Variants in PCDH15 observed in about 807,000 individuals in gnomAD.
PCDH15 encodes the protein protocadherin-15.
In PCDH15, 129 loss-of-function variants were observed where a neutral mutation model predicts 178.5. The ratio of observed to expected loss-of-function variants is 0.72; its 90% CI spans 0.63 to 0.84. The LOEUF (loss-of-function observed/expected upper bound fraction) is 0.84, where lower values mean the gene tolerates loss of function less well. Ranked by LOEUF, PCDH15 falls within the 40% of genes least tolerant of loss-of-function variation. PCDH15 has a pLI of 0.00. For synonymous variants in PCDH15, 800 were observed against 732.0 expected (o/e 1.09, Z -1.50); for missense variants, 2,230 against 2,099.9 (o/e 1.06, Z -1.21).
At chr10:54,984,000 A>G (rs1333632577) in intron 2 of PCDH15, among the ~76,000 whole-genome samples, 5 of 152,220 alleles carry the variant, frequency 3.3e-5, no homozygotes, top group Non-Finnish European at 1.5e-5. Context: ...GGAAATGAGG[A>G]GGAGGCACCT....
At chr10:55,386,707 A>G (rs1323557851) in intron 2 of PCDH15, among the ~76,000 whole-genome samples, 1 of 152,062 alleles carries the variant, frequency 6.6e-6, no homozygotes, top group African/African-American at 2.4e-5. Flanking sequence ...TATTTCTATA[A>G]AAAAGATGGT....
intron 3 of PCDH15, among the ~76,000 whole-genome samples, chr10:54,520,822 CA>C (rs2082773346): frequency 6.7e-6 from 1 of 150,316 alleles, no homozygotes; most frequent in South Asian, 2.1e-4. Flanking sequence ...CCCAAATGTC[CA>C]ACAATGATAG....
intron 21 of PCDH15, 185 bp downstream of exon 21, chr10:53,995,464 C>A: frequency 9.6e-7 from 1 of 1,041,972 alleles, no homozygotes; most frequent in South Asian, 1.6e-5. Flanking sequence ...TGTCTAGGTT[C>A]AATAATAGTC....
At chr10:53,864,591 G>A (rs2079319618) in intron 27 of PCDH15, among the ~76,000 whole-genome samples, 1 of 151,984 alleles carries the variant, frequency 6.6e-6, no homozygotes, top group African/African-American at 2.4e-5. Flanking sequence ...TAGCCCACAG[G>A]GACCTCAAAA....
At chr10:54,377,072 A>G (rs545066444) in intron 4 of PCDH15, among the ~76,000 whole-genome samples, 3 of 152,158 alleles carry the variant, frequency 2.0e-5, no homozygotes, top group Admixed American at 6.6e-5. Flanking sequence ...TGTATTATAA[A>G]TTTTATGTAA....
chr10:55,196,156 G>A (rs187029958), intron 1 of PCDH15, among the ~76,000 whole-genome samples: 29 of 152,034 alleles, frequency 1.9e-4, no homozygotes, highest in Admixed American at 1.4e-3. Flanking sequence ...CCTCTGCTTA[G>A]TGTGATAGCC....
chr10:54,491,118 GA>G (rs1157482826), intron 3 of PCDH15, among the ~76,000 whole-genome samples: 1 of 152,120 alleles, frequency 6.6e-6, no homozygotes, highest in Non-Finnish European at 1.5e-5. Flanking sequence ...AGCAAATTAA[GA>G]GAGATGTAGT....
intron 23 of PCDH15, among the ~76,000 whole-genome samples, chr10:53,955,680 T>C (rs961324626): frequency 6.6e-6 from 1 of 152,188 alleles, no homozygotes. Context: ...TCTTGAGCTA[T>C]CATTTTTATA....
At chr10:55,608,136 T>C (rs914635949) in intron 2 of PCDH15, among the ~76,000 whole-genome samples, 17 of 151,788 alleles carry the variant, frequency 1.1e-4, no homozygotes, top group African/African-American at 4.1e-4. Flanking sequence ...GAGTACAAAC[T>C]GGACTGATAA....
At chr10:54,481,711 T>A (rs2136934204) in intron 3 of PCDH15, among the ~76,000 whole-genome samples, 1 of 151,944 alleles carries the variant, frequency 6.6e-6, no homozygotes, top group East Asian at 1.9e-4. Flanking sequence ...ATCTTGTAAT[T>A]CTTGATTTTG....
At chr10:53,833,167 A>G (rs1281882503) in intron 29 of PCDH15, among the ~76,000 whole-genome samples, 1 of 152,072 alleles carries the variant, frequency 6.6e-6, no homozygotes, top group East Asian at 1.9e-4. Context: ...AACAAGGAAG[A>G]ATCAGATCCA....
intron 2 of PCDH15, among the ~76,000 whole-genome samples, chr10:54,902,919 C>T (rs1390478718): frequency 6.6e-6 from 1 of 152,032 alleles, no homozygotes; most frequent in Admixed American, 6.6e-5. Context: ...GGGCAAGCTG[C>T]TTCATCTCCT....
chr10:54,293,248 A>G (rs1237508530), intron 8 of PCDH15, among the ~76,000 whole-genome samples: 1 of 152,226 alleles, frequency 6.6e-6, no homozygotes, highest in Non-Finnish European at 1.5e-5. Flanking sequence ...TGGTGCTAGG[A>G]AAACTGGCTA....
intron 15 of PCDH15, among the ~76,000 whole-genome samples, chr10:54,100,364 CA>C (rs5785037): frequency 0.15 from 18,890 of 128,320 alleles, 1,860 homozygotes; most frequent in African/African-American, 0.31. Context: ...GACTCCGTCT[CA>C]AAAAAAAAAA....
chr10:55,053,645 T>C (rs1287859975), intron 2 of PCDH15, among the ~76,000 whole-genome samples: 3 of 152,178 alleles, frequency 2.0e-5, no homozygotes, highest in South Asian at 2.1e-4. Context: ...GGCTGACTTA[T>C]TTGCTTTTTG....
chr10:55,250,482 T>TAAAAA (rs202237750), intron 1 of PCDH15, among the ~76,000 whole-genome samples: 1 of 132,996 alleles, frequency 7.5e-6, no homozygotes, highest in Admixed American at 7.8e-5. Flanking sequence ...CAGACCCTTG[T>TAAAAA]AAAAAAAAAA....
chr10:55,455,506 T>C (rs116641830), intron 2 of PCDH15, among the ~76,000 whole-genome samples: 1,764 of 152,202 alleles, frequency 0.012, 39 homozygotes, highest in African/African-American at 0.041. Context: ...GTGAAAACCA[T>C]AGCACAATTC....
intron 23 of PCDH15, among the ~76,000 whole-genome samples, chr10:53,944,077 C>A (rs1002872937): frequency 6.6e-6 from 1 of 151,620 alleles, no homozygotes; most frequent in East Asian, 1.9e-4. Flanking sequence ...AGGAACATAA[C>A]CAAATTGAAT....
intron 2 of PCDH15, among the ~76,000 whole-genome samples, chr10:55,013,724 C>T (rs1389443772): frequency 6.6e-6 from 1 of 152,092 alleles, no homozygotes; most frequent in Non-Finnish European, 1.5e-5. Flanking sequence ...CACTAAATTG[C>T]AAGATTCATG....
Sources: gnomAD v4.1 joint callset for allele counts (sites outside exome capture counted in the v4.1 genomes callset) on GRCh38, gnomAD v4.1.1 for gene constraint, MANE v1.5 for transcripts, NCBI Gene and HGNC (gene_info 2026-07-23, HGNC 2026-07-21) for gene names.